The following ZNF682 variants were observed in gnomAD, a reference collection of about 807,000 sequenced individuals.
ZNF682 encodes zinc finger protein 682.
In ZNF682, 29 loss-of-function variants were observed where a neutral mutation model predicts 36.5. That is an observed-to-expected ratio of 0.80 (90% CI 0.59 to 1.08). The LOEUF (loss-of-function observed/expected upper bound fraction) is 1.08. Among genes scored for constraint, ZNF682 ranks in the 50% least tolerant of loss-of-function variants. ZNF682 has a pLI of 0.00. For synonymous variants in ZNF682, 180 were observed against 197.0 expected (o/e 0.91, Z 0.72); for missense variants, 561 against 579.7 (o/e 0.97, Z 0.33).
downstream of ZNF682, among the ~76,000 whole-genome samples, chr19:19,999,476 GAAT>G (rs1410518768): frequency 6.6e-6 from 1 of 152,146 alleles, no homozygotes; most frequent in Non-Finnish European, 1.5e-5. Flanking sequence ...TGAAGCCTGT[GAAT>G]AATAAGCTTG....
chr19:20,018,569 CACGTGTGTACATAATCAAATA>C (rs1246798522), intron 3 of ZNF682, among the ~76,000 whole-genome samples: 1 of 152,110 alleles, frequency 6.6e-6, no homozygotes, highest in Non-Finnish European at 1.5e-5. Context: ...CAGAATTAAG[CACGTGTGTACATAATCAAATA>C]ACCTTACATA....
At position 20,006,658 on chromosome 19, in the gene ZNF682, C is replaced by A; in HGVS notation, c.844G>T (p.Glu282Ter). 1 of 1,614,030 alleles carries A rather than the reference C, an allele frequency of 6.2e-7. No homozygotes were observed. Among genetic ancestry groups the A allele is most frequent in the South Asian group, 1.1e-5 (1 of 91,076 alleles). Reference protein sequence around the residue: ...FVRHKKIHTGEKPYTCEDCGR... With the variant: ...FVRHKKIHTG The stretch of plus-strand genomic sequence containing the variant: ...CAGTCTTCACATGTATAGGGTTTTT[C>A]TCCTGTATGAATTTTCTTATGTCTA... The change falls in exon 4 of 4, where the codon GAA (glutamate) becomes TAA (stop). Residue 282 changes from glutamate (E) to a stop codon, truncating the protein, a stop_gained. Transcript: ENST00000397165. LOFTEE classifies it high-confidence loss of function.
intron 1 of ZNF682, among the ~76,000 whole-genome samples, chr19:20,026,992 G>T (rs2088437583): frequency 6.6e-6 from 1 of 152,206 alleles, no homozygotes; most frequent in African/African-American, 2.4e-5. Context: ...ATCAGAAGTA[G>T]AGAAGTAAAA....
chr19:20,018,319 CT>C (rs2088355800), intron 3 of ZNF682, among the ~76,000 whole-genome samples: 1 of 151,792 alleles, frequency 6.6e-6, no homozygotes, highest in Non-Finnish European at 1.5e-5. Context: ...TGGTCTCGAT[CT>C]CCTGACCTCG....
intron 2 of ZNF682, among the ~76,000 whole-genome samples, 155 bp from the exon 3 acceptor site, chr19:20,023,254 T>C (rs1239153382): frequency 6.6e-6 from 1 of 152,132 alleles, no homozygotes; most frequent in East Asian, 1.9e-4. Context: ...ATCCCAACAT[T>C]TTGGGAGGCT....
intron 1 of ZNF682, among the ~76,000 whole-genome samples, chr19:20,035,177 T>C (rs1273043847): frequency 6.6e-6 from 1 of 152,216 alleles, no homozygotes; most frequent in African/African-American, 2.4e-5. Flanking sequence ...AGCATATTAA[T>C]TGATGTGACA....
chr19:20,007,712 G>A (rs2088241040), intron 3 of ZNF682: 1 of 168,190 alleles, frequency 5.9e-6, no homozygotes, highest in African/African-American at 2.4e-5. Flanking sequence ...ACTCTCATAT[G>A]ATCCCTATAC....
At chr19:20,021,482 C>CA (rs11377750) in intron 3 of ZNF682, among the ~76,000 whole-genome samples, 119,474 of 151,952 alleles carry the variant, frequency 0.79, 47,096 homozygotes, top group Middle Eastern at 0.88. Flanking sequence ...AGACTCGTCT[C>CA]AAAAAGAAAG....
intron 1 of ZNF682, among the ~76,000 whole-genome samples, chr19:20,026,505 G>A (rs1023976083): frequency 3.3e-5 from 5 of 151,676 alleles, no homozygotes; most frequent in African/African-American, 9.7e-5. Flanking sequence ...TCACTCTATC[G>A]CCCAGGCTGG....
At chr19:20,000,560 C>A (rs954456712), downstream of ZNF682, among the ~76,000 whole-genome samples, 1 of 152,284 alleles carries the variant, frequency 6.6e-6, no homozygotes, top group Middle Eastern at 3.4e-3. Context: ...TGGACAGAAC[C>A]AGGTTGTCAA....
chr19:20,002,186 G>A (rs1018361989), downstream of ZNF682, among the ~76,000 whole-genome samples: 2 of 151,924 alleles, frequency 1.3e-5, no homozygotes, highest in Non-Finnish European at 2.9e-5. Flanking sequence ...AGGTTCAAGC[G>A]ATTCCCCTGC....
rs2088410878 is a variant in ZNF682, at chr19:20,024,107, C to T, written c.130+143G>A. 7.3e-6 allele frequency: 7 copies of T among 957,098 alleles called. No homozygotes were observed. The East Asian group carries it at 1.6e-4, about 21-fold the overall frequency. 59.3% of individuals were successfully genotyped at this position (957,098 alleles called of 1,614,324 possible). A position where few individuals can be genotyped will look rare whatever the true frequency, so the allele number is the denominator to read the frequency against. ...ACATCTTGAAAATTTTCTTCTCTAT[C>T]CCAACAAATCCCCAAGTTTTCCTTG... On this transcript the variant is annotated intron_variant, in intron 2 of 3. Coordinates refer to ENST00000397165, the MANE Select transcript of ZNF682 (RefSeq NM_033196.3).
chr19:20,013,945 A>G (rs2088312341), intron 3 of ZNF682, among the ~76,000 whole-genome samples: 1 of 152,186 alleles, frequency 6.6e-6, no homozygotes, highest in Admixed American at 6.5e-5. Flanking sequence ...TGAAACTAAA[A>G]ATTAGTAATA....
rs1314796855 is a variant in ZNF682 at position 20,006,601 on chromosome 19, T to C, written c.901A>G (p.Thr301Ala). 2.5e-6 allele frequency: 4 copies of C among 1,614,180 alleles called. No individual in the cohort carries two copies. The South Asian group carries it at 4.4e-5, about 18-fold the overall frequency. ...CCAGTGTGAATTGTCTTATGTTTGGTGAGATGTGAGTGCCGGTTAAACGCT... is the reference window on the plus strand; with the variant it reads ...CCAGTGTGAATTGTCTTATGTTTGGCGAGATGTGAGTGCCGGTTAAACGCT... ...GRAFNRHSHL[T>A]KHKTIHTGKK... is the part of the protein sequence containing the mutation. Residue 301 changes from threonine (T) to alanine (A), a missense_variant, in exon 4 of 4, where the codon ACC (threonine) becomes GCC (alanine). By Grantham distance (58) the Thr-to-Ala change is moderately conservative (BLOSUM62 0). Transcript: ENST00000397165.
intron 1 of ZNF682, chr19:20,030,996 A>T (rs941217584): frequency 6.6e-6 from 1 of 152,180 alleles, no homozygotes; most frequent in Non-Finnish European, 1.5e-5. Flanking sequence ...GCCTCACCCC[A>T]GTCTGCACAC....
chr19:20,003,082 T>A (rs1425844956), downstream of ZNF682, among the ~76,000 whole-genome samples: 3 of 143,370 alleles, frequency 2.1e-5, no homozygotes, highest in Non-Finnish European at 4.5e-5. Context: ...TCCCAGCTAC[T>A]CGGGAGGCTG....
At chr19:20,023,798 A>G (rs1400271453) in intron 2 of ZNF682, among the ~76,000 whole-genome samples, 1 of 152,004 alleles carries the variant, frequency 6.6e-6, no homozygotes, top group African/African-American at 2.4e-5. Flanking sequence ...CCTGGCCAAC[A>G]TAGTGAAACC....
At chr19:20,023,740 G>A (rs981012998) in intron 2 of ZNF682, among the ~76,000 whole-genome samples, 3 of 151,782 alleles carry the variant, frequency 2.0e-5, no homozygotes, top group African/African-American at 4.8e-5. Flanking sequence ...CCAACACTTC[G>A]GGAGGCCAAG....
At chr19:20,011,487 T>A (rs925757972) in intron 3 of ZNF682, among the ~76,000 whole-genome samples, 2 of 152,338 alleles carry the variant, frequency 1.3e-5, no homozygotes, top group African/African-American at 4.8e-5. Context: ...ATAATTCATC[T>A]AATGAAGACA....
Sources: gnomAD v4.1 joint callset for allele counts (sites outside exome capture counted in the v4.1 genomes callset) on GRCh38, gnomAD v4.1.1 for gene constraint, MANE v1.5 for transcripts, NCBI Gene and HGNC (gene_info 2026-07-23, HGNC 2026-07-21) for gene names.